SH3BGRL2: variants seen among roughly 807,000 people sequenced by gnomAD.
SH3BGRL2 encodes SH3 domain binding glutamate rich protein like 2.
SH3BGRL2 carries 21 observed loss-of-function variants against 14.8 expected under a neutral mutation model. That is an observed-to-expected ratio of 1.42 (90% CI 1.01 to 2.05). SH3BGRL2 has a LOEUF of 2.05. Ranked by LOEUF, SH3BGRL2 falls within the 30% of genes most tolerant of loss-of-function variation. The pLI, the probability that SH3BGRL2 is intolerant of heterozygous loss-of-function variation, is 0.00. For missense variants in SH3BGRL2, 147 were observed against 130.8 expected (o/e 1.12, Z -0.61); for synonymous variants, 50 against 47.8 (o/e 1.05, Z -0.19).
intron 2 of SH3BGRL2, among the ~76,000 whole-genome samples, chr6:79,691,560 G>T (rs1201672110): frequency 1.4e-5 from 2 of 140,468 alleles, no homozygotes; most frequent in Non-Finnish European, 3.0e-5. Flanking sequence ...CTGTGTCCAT[G>T]TGTTCTCATT....
At chr6:79,606,343 T>G in the SH3BGRL2 span, among the ~76,000 whole-genome samples, 1 of 152,246 alleles carries the variant, frequency 6.6e-6, no homozygotes, top group Non-Finnish European at 1.5e-5. Flanking sequence ...AGCTACCTTC[T>G]TTTGTATTCT....
chr6:79,632,071 A>G (rs948112731), intron 1 of SH3BGRL2, among the ~76,000 whole-genome samples: 2 of 152,080 alleles, frequency 1.3e-5, no homozygotes, highest in African/African-American at 2.4e-5. Flanking sequence ...GTTTGCTTTC[A>G]CTGTCATTTT....
At chr6:79,570,327 A>G in the SH3BGRL2 span, among the ~76,000 whole-genome samples, 1 of 152,210 alleles carries the variant, frequency 6.6e-6, no homozygotes, top group East Asian at 1.9e-4. Context: ...GTGACTAAGC[A>G]GGCAGATGGC....
chr6:79,573,276 C>A, the SH3BGRL2 span, among the ~76,000 whole-genome samples: 101 of 152,310 alleles, frequency 6.6e-4, no homozygotes, highest in Non-Finnish European at 1.6e-4. Context: ...ATCTGCAATG[C>A]CACTGATGTT....
chr6:79,669,336 G>T (rs1001926628), intron 1 of SH3BGRL2, among the ~76,000 whole-genome samples: 3 of 152,042 alleles, frequency 2.0e-5, no homozygotes, highest in Non-Finnish European at 4.4e-5. Context: ...CCCTGTTGTT[G>T]GTTGGGAGGA....
At chr6:79,579,604 G>C in the SH3BGRL2 span, among the ~76,000 whole-genome samples, 2 of 152,130 alleles carry the variant, frequency 1.3e-5, no homozygotes, top group East Asian at 3.9e-4. Flanking sequence ...AATGCTGAGA[G>C]ATTTTGTCAC....
the SH3BGRL2 span, among the ~76,000 whole-genome samples, chr6:79,553,851 C>T: frequency 1.3e-5 from 2 of 151,896 alleles, no homozygotes; most frequent in Admixed American, 6.6e-5. Context: ...GCCTGTAATC[C>T]CAGCTACTCT....
the SH3BGRL2 span, among the ~76,000 whole-genome samples, chr6:79,580,827 T>C: frequency 6.6e-6 from 1 of 151,922 alleles, no homozygotes; most frequent in Non-Finnish European, 1.5e-5. Context: ...CAAAAAAACC[T>C]TCAAAATTCA....
At chr6:79,563,418 G>T in the SH3BGRL2 span, among the ~76,000 whole-genome samples, 245 of 152,048 alleles carry the variant, frequency 1.6e-3, 1 homozygote, top group African/African-American at 5.5e-3. Flanking sequence ...CGCCTAGCTT[G>T]GTCTATATTA....
chr6:79,577,212 A>G, the SH3BGRL2 span, among the ~76,000 whole-genome samples: 14 of 152,246 alleles, frequency 9.2e-5, no homozygotes, highest in African/African-American at 2.9e-4. Flanking sequence ...TGAACTTTCT[A>G]TTTTGTTTCA....
chr6:79,570,504 A>G, the SH3BGRL2 span, among the ~76,000 whole-genome samples: 2 of 152,220 alleles, frequency 1.3e-5, no homozygotes, highest in Non-Finnish European at 2.9e-5. Context: ...ACAATTGTAA[A>G]TGTCATGTTG....
At chr6:79,583,105 T>C in the SH3BGRL2 span, among the ~76,000 whole-genome samples, 1 of 152,164 alleles carries the variant, frequency 6.6e-6, no homozygotes, top group African/African-American at 2.4e-5. Context: ...CCAGTTAGAA[T>C]GGCAATCATT....
At chr6:79,588,794 G>A in the SH3BGRL2 span, among the ~76,000 whole-genome samples, 1 of 152,152 alleles carries the variant, frequency 6.6e-6, no homozygotes, top group African/African-American at 2.4e-5. Flanking sequence ...CTTCCCAGGA[G>A]TATATCTGGG....
At chr6:79,668,261 G>T (rs369305061) in intron 1 of SH3BGRL2, among the ~76,000 whole-genome samples, 2 of 152,268 alleles carry the variant, frequency 1.3e-5, no homozygotes, top group East Asian at 3.9e-4. Context: ...CACAGAGTAG[G>T]GGGTTAAGGC....
At chr6:79,619,768 T>C in the SH3BGRL2 span, among the ~76,000 whole-genome samples, 7 of 152,340 alleles carry the variant, frequency 4.6e-5, no homozygotes, top group South Asian at 1.4e-3. Context: ...GTGGCTTTAA[T>C]ACACCTTGGT....
intron 1 of SH3BGRL2, among the ~76,000 whole-genome samples, chr6:79,652,603 G>A (rs1037716973): frequency 4.6e-5 from 7 of 151,962 alleles, no homozygotes; most frequent in African/African-American, 1.7e-4. Context: ...GATCTCTCAC[G>A]GTGCCTGACA....
chr6:79,642,087 A>C (rs1409491447), intron 1 of SH3BGRL2, among the ~76,000 whole-genome samples: 1 of 152,156 alleles, frequency 6.6e-6, no homozygotes, highest in African/African-American at 2.4e-5. Context: ...ATTCTTTGCT[A>C]TACATAATAC....
chr6:79,681,031 T>A (rs1431694764), intron 2 of SH3BGRL2, among the ~76,000 whole-genome samples: 1 of 152,168 alleles, frequency 6.6e-6, no homozygotes, highest in Non-Finnish European at 1.5e-5. Context: ...TTAAATAGTT[T>A]GTGGATTAAC....
the SH3BGRL2 span, among the ~76,000 whole-genome samples, chr6:79,565,386 G>A: frequency 6.6e-6 from 1 of 151,910 alleles, no homozygotes; most frequent in Admixed American, 6.6e-5. Context: ...GTGCTTTCTT[G>A]AGTTTGCAAA....
Sources: allele counts gnomAD v4.1 joint callset (sites outside exome capture counted in the v4.1 genomes callset), GRCh38; gene constraint gnomAD v4.1.1; transcripts MANE v1.5; gene names NCBI Gene and HGNC (gene_info 2026-07-23, HGNC 2026-07-21).